Variants in ARHGEF3 observed in about 807,000 individuals in gnomAD.
The protein encoded by ARHGEF3 is Rho guanine nucleotide exchange factor 3.
ARHGEF3 carries 28 observed loss-of-function variants against 63.2 expected under a neutral mutation model. That is an observed-to-expected ratio of 0.44 (90% CI 0.33 to 0.61). The LOEUF is 0.61. Ranked by LOEUF, ARHGEF3 falls within the 20% of genes least tolerant of loss-of-function variation. ARHGEF3 has a pLI of 0.03. For synonymous variants in ARHGEF3, 266 were observed against 254.2 expected (o/e 1.05, Z -0.44); for missense variants, 533 against 659.3 (o/e 0.81, Z 2.10).
chr3:56,737,165 T>G lies in ARHGEF3; in HGVS notation c.1041+20A>C, dbSNP rs1295699167. ...GATACGGGAGGCGGATAAGACTGCT[T>G]AAAGGGAGTAACTACTTACCACGCC... On this transcript the variant is annotated intron_variant, in intron 8 of 9. Coordinates refer to ENST00000296315, the MANE Select transcript of ARHGEF3 (RefSeq NM_019555.3). The G allele has an allele frequency of 6.2e-7, 1 of 1,605,872 alleles. No homozygotes were observed. Among genetic ancestry groups the G allele is most frequent in the Non-Finnish European group, 8.5e-7 (1 of 1,174,550 alleles).
chr3:56,898,556 T>C (rs1232384198), intron 3 of ARHGEF3: 2 of 220,034 alleles, frequency 9.1e-6, no homozygotes, highest in South Asian at 4.2e-5. Context: ...TTACCTGCTG[T>C]TAGTTTGGAG....
At chr3:56,795,647 C>CTG (rs1439709300) in intron 1 of ARHGEF3, among the ~76,000 whole-genome samples, 3 of 84,816 alleles carry the variant, frequency 3.5e-5, no homozygotes, top group African/African-American at 1.9e-4. Flanking sequence ...GTGACACAGT[C>CTG]TCTCTCTCTT....
At chr3:56,751,424 C>T in intron 4 of ARHGEF3, 28 bp from the exon 5 acceptor site, 1 of 1,573,338 alleles carries the variant, frequency 6.4e-7, no homozygotes. Context: ...GAGATGGAAG[C>T]ACATGTTTAA....
At chr3:57,014,530 A>C (rs1426593664) in intron 2 of ARHGEF3, among the ~76,000 whole-genome samples, 1 of 151,868 alleles carries the variant, frequency 6.6e-6, no homozygotes, top group African/African-American at 2.4e-5. Context: ...ATTTCTCACA[A>C]TACTCACTGA....
Position 56,751,408 on chromosome 3 carries a change from C to T in ARHGEF3, c.439-12G>A, listed in dbSNP as rs372743150. On this transcript the variant is annotated splice_polypyrimidine_tract_variant and intron_variant, in intron 4 of 9. Transcript: ENST00000296315. ...GGGTCATGATAGGCCTGCACAAAAA[C>T]GGCAAGAGATGGAAGCACATGTTTA... 31 of 1,605,744 alleles carry T rather than the reference C, an allele frequency of 1.9e-5. 1 individual carries two copies. The Middle Eastern group carries it at 4.9e-4, about 26-fold the overall frequency.
chr3:56,874,095 A>G (rs146783125), intron 4 of ARHGEF3, among the ~76,000 whole-genome samples: 9 of 152,376 alleles, frequency 5.9e-5, no homozygotes, highest in Admixed American at 1.3e-4. Context: ...GCAAGATGCA[A>G]TATGTCTATG....
At chr3:56,750,263 G>T (rs2034653231) in intron 6 of ARHGEF3, among the ~76,000 whole-genome samples, 1 of 152,138 alleles carries the variant, frequency 6.6e-6, no homozygotes. Flanking sequence ...AGGGAGCGGT[G>T]GGGACTGAGG....
chr3:57,042,677 TA>T (rs55913178), intron 1 of ARHGEF3, among the ~76,000 whole-genome samples: 1,057 of 35,334 alleles, frequency 0.03, 89 homozygotes, highest in African/African-American at 0.035. Context: ...TATATATATA[TA>T]TATATATATA....
chr3:56,993,493 G>A (rs1170721992), intron 2 of ARHGEF3, among the ~76,000 whole-genome samples: 1 of 151,992 alleles, frequency 6.6e-6, no homozygotes, highest in Non-Finnish European at 1.5e-5. Context: ...TCCTACCTCA[G>A]CCTCTCAAGT....
chr3:56,799,705 A>T (rs1018799633), intron 1 of ARHGEF3, among the ~76,000 whole-genome samples: 5 of 152,206 alleles, frequency 3.3e-5, no homozygotes, highest in Admixed American at 2.0e-4. Flanking sequence ...TTGCGCTGAT[A>T]AGGAAACCAG....
intron 4 of ARHGEF3, among the ~76,000 whole-genome samples, chr3:56,848,745 C>G: frequency 6.6e-6 from 1 of 152,136 alleles, no homozygotes; most frequent in Non-Finnish European, 1.5e-5. Flanking sequence ...CGGCTCACTG[C>G]AGCCTCTGCT....
chr3:56,859,225 C>T (rs2039985631), intron 4 of ARHGEF3, among the ~76,000 whole-genome samples: 1 of 151,386 alleles, frequency 6.6e-6, no homozygotes, highest in African/African-American at 2.4e-5. Context: ...GCAAGCTCTG[C>T]CTCCCGGGTT....
In ARHGEF3 at chr3:56,935,431, T is replaced by TCC. The variant is rs568420001; in HGVS notation, c.129+23390_129+23391dup. On this transcript the variant is annotated intron_variant, in intron 3 of 12. Coordinates refer to the ARHGEF3 transcript ENST00000338458. ...AGCCAGCAGCGGCAACCCGCTGGGG[T>TCC]CCCCTTCCACAGTGTGGAAGCTTTG... 2.1e-3 allele frequency among the ~76,000 whole-genome samples: 312 copies of TCC among 152,180 alleles called. 3 individuals are homozygous for TCC. The highest frequency in any genetic ancestry group is 7.1e-3 in the African/African-American group (294 of 41,540).
chr3:57,001,927 T>TG (rs1417862611), intron 2 of ARHGEF3, among the ~76,000 whole-genome samples: 1 of 70,972 alleles, frequency 1.4e-5, no homozygotes, highest in Non-Finnish European at 2.9e-5. Flanking sequence ...TTTTTTTTTT[T>TG]TTGTTTTTTG....
intron 3 of ARHGEF3, among the ~76,000 whole-genome samples, chr3:56,933,874 G>T (rs2042478502): frequency 6.6e-6 from 1 of 152,172 alleles, no homozygotes; most frequent in Non-Finnish European, 1.5e-5. Flanking sequence ...GGAGGTGATT[G>T]GATCATGGGG....
At chr3:57,069,927 G>T (rs1705791580) in intron 1 of ARHGEF3, among the ~76,000 whole-genome samples, 1 of 152,252 alleles carries the variant, frequency 6.6e-6, no homozygotes, top group African/African-American at 2.4e-5. Flanking sequence ...TTACAGGCAT[G>T]AGCCACTGCG....
rs1030482751 is a variant in ARHGEF3, at chr3:56,782,758, C to T, written c.97-8942G>A. On this transcript the variant is annotated intron_variant, in intron 1 of 9. Coordinates refer to ENST00000296315, the MANE Select transcript of ARHGEF3 (RefSeq NM_019555.3). ...ACCCTGAGTTAGTTCAGTCTCAAAC[C>T]CAAGCTGCAGACAGGCTTTCGGGCT... 5.3e-5 allele frequency among the ~76,000 whole-genome samples: 8 copies of T among 152,126 alleles called. 1 individual carries two copies. The highest frequency in any genetic ancestry group is 5.2e-4 in the Admixed American group (8 of 15,264).
chr3:56,754,254 C>T (rs1306538227), intron 3 of ARHGEF3, among the ~76,000 whole-genome samples: 4 of 152,222 alleles, frequency 2.6e-5, no homozygotes, highest in South Asian at 2.1e-4. Context: ...GCACAGAACA[C>T]TCTTTCACTT....
At chr3:57,064,356 CT>C (rs1406246101) in intron 1 of ARHGEF3, among the ~76,000 whole-genome samples, 1 of 151,492 alleles carries the variant, frequency 6.6e-6, no homozygotes, top group African/African-American at 2.4e-5. Flanking sequence ...CAGGGTTTCC[CT>C]CTGTTATCCA....
Sources: allele counts gnomAD v4.1 joint callset (sites outside exome capture counted in the v4.1 genomes callset), GRCh38; gene constraint gnomAD v4.1.1; transcripts MANE v1.5; gene names NCBI Gene and HGNC (gene_info 2026-07-23, HGNC 2026-07-21).